PTPRT: variants seen among roughly 807,000 people sequenced by gnomAD.
PTPRT encodes protein tyrosine phosphatase receptor type T, also known as receptor-type tyrosine-protein phosphatase T.
Under a neutral mutation model 176.8 loss-of-function variants are expected in PTPRT, and 56 were observed. That is an observed-to-expected ratio of 0.32 (90% CI 0.26 to 0.40). The LOEUF is 0.40. Ranked by LOEUF, PTPRT falls within the 10% of genes least tolerant of loss-of-function variation. The pLI is 1.00. For missense variants in PTPRT, 1,540 were observed against 1,908.2 expected (o/e 0.81, Z 3.60); for synonymous variants, 783 against 739.0 (o/e 1.06, Z -0.96).
intron 2 of PTPRT, among the ~76,000 whole-genome samples, chr20:42,822,750 C>A (rs1050381233): frequency 6.6e-6 from 1 of 152,160 alleles, no homozygotes; most frequent in Non-Finnish European, 1.5e-5. Context: ...TGAACAGACA[C>A]TTCTCAAACG....
At chr20:42,396,812 C>A (rs1247383746) in intron 9 of PTPRT, among the ~76,000 whole-genome samples, 2 of 152,176 alleles carry the variant, frequency 1.3e-5, no homozygotes, top group East Asian at 1.9e-4. Flanking sequence ...CCCACCTTGG[C>A]CCCCCAAAGT....
chr20:43,041,546 C>G (rs991531272), intron 1 of PTPRT, among the ~76,000 whole-genome samples: 3 of 152,176 alleles, frequency 2.0e-5, no homozygotes, highest in African/African-American at 7.2e-5. Context: ...CCTATAAGAG[C>G]CTTGCCAGCC....
chr20:42,510,244 C>A (rs1387062724), intron 7 of PTPRT, among the ~76,000 whole-genome samples: 1 of 152,054 alleles, frequency 6.6e-6, no homozygotes, highest in African/African-American at 2.4e-5. Flanking sequence ...GAAAATGCCC[C>A]AGGAAGAATT....
At chr20:42,967,321 T>A (rs919577699) in intron 1 of PTPRT, among the ~76,000 whole-genome samples, 1 of 152,098 alleles carries the variant, frequency 6.6e-6, no homozygotes, top group African/African-American at 2.4e-5. Context: ...GGTATTGAGA[T>A]GAGATCATCC....
At chr20:42,089,287 T>G (rs954741457) in intron 27 of PTPRT, among the ~76,000 whole-genome samples, 2 of 152,012 alleles carry the variant, frequency 1.3e-5, no homozygotes, top group African/African-American at 4.8e-5. Context: ...TACAAATAAG[T>G]CTATGGTTGG....
At chr20:42,821,170 C>T (rs1274065220) in intron 2 of PTPRT, among the ~76,000 whole-genome samples, 1 of 152,210 alleles carries the variant, frequency 6.6e-6, no homozygotes, top group African/African-American at 2.4e-5. Flanking sequence ...CAGTAAAATA[C>T]TGACAAACCA....
At chr20:43,077,450 T>C (rs1391821233) in intron 1 of PTPRT, among the ~76,000 whole-genome samples, 3 of 152,162 alleles carry the variant, frequency 2.0e-5, no homozygotes, top group Admixed American at 6.5e-5. Context: ...ACCTGGAGTA[T>C]AGCGGTGTGG....
At chr20:42,497,674 C>T (rs2071679368) in intron 7 of PTPRT, among the ~76,000 whole-genome samples, 1 of 152,084 alleles carries the variant, frequency 6.6e-6, no homozygotes, top group Admixed American at 6.6e-5. Context: ...AGATCCTTTA[C>T]CTTCCTTTTG....
chr20:42,838,282 T>C (rs984330528), intron 2 of PTPRT, among the ~76,000 whole-genome samples: 1 of 152,192 alleles, frequency 6.6e-6, no homozygotes, highest in Non-Finnish European at 1.5e-5. Flanking sequence ...CCTCCCAAAG[T>C]GTTGGGATTA....
chr20:42,605,851 A>G (rs2073867063), intron 7 of PTPRT, among the ~76,000 whole-genome samples: 2 of 152,144 alleles, frequency 1.3e-5, no homozygotes, highest in African/African-American at 2.4e-5. Flanking sequence ...GAATGTGTCA[A>G]CATGCAGGTT....
chr20:42,568,894 C>T (rs1261707112), intron 7 of PTPRT, among the ~76,000 whole-genome samples: 1 of 150,408 alleles, frequency 6.6e-6, no homozygotes, highest in Non-Finnish European at 1.5e-5. Flanking sequence ...TTAAAAAATA[C>T]AAAAACTCCC....
At chr20:43,186,192 G>C (rs1600782616) in intron 1 of PTPRT, among the ~76,000 whole-genome samples, 1 of 152,328 alleles carries the variant, frequency 6.6e-6, no homozygotes, top group African/African-American at 2.4e-5. Flanking sequence ...TTACAAATGA[G>C]AAGCTGGGGA....
At chr20:42,888,973 A>C (rs1445179320) in intron 1 of PTPRT, among the ~76,000 whole-genome samples, 2 of 152,216 alleles carry the variant, frequency 1.3e-5, no homozygotes, top group Non-Finnish European at 1.5e-5. Flanking sequence ...CTTCTTCTAG[A>C]TAAGATTTAA....
At chr20:42,296,595 T>C (rs1380989618) in intron 12 of PTPRT, among the ~76,000 whole-genome samples, 1 of 152,084 alleles carries the variant, frequency 6.6e-6, no homozygotes, top group Non-Finnish European at 1.5e-5. Context: ...TATAGTAAAT[T>C]ATGACATAAA....
chr20:42,510,777 G>A (rs1282670269), intron 7 of PTPRT, among the ~76,000 whole-genome samples: 1 of 152,028 alleles, frequency 6.6e-6, no homozygotes, highest in East Asian at 1.9e-4. Flanking sequence ...ATAAATTAGG[G>A]GAAAGCCACA....
intron 6 of PTPRT, among the ~76,000 whole-genome samples, chr20:42,684,472 T>C (rs1425759397): frequency 1.3e-5 from 2 of 152,114 alleles, no homozygotes; most frequent in African/African-American, 4.8e-5. Flanking sequence ...AGGTTGAGGG[T>C]GGCAACAAAG....
rs1212890682 is a variant in PTPRT, at chr20:42,166,935, AG to A, written c.2492-5394del. On this transcript the variant is annotated intron_variant, in intron 16 of 30. Transcript: ENST00000373187. ...AGACTCCATCTTAGAAAAAAAAAAA[AG>A]GGGGGTCTGTTCATGTTGCATGAGG... 2.1e-3 allele frequency among the ~76,000 whole-genome samples: 310 copies of A among 148,516 alleles called. 3 individuals are homozygous for A. The highest frequency in any genetic ancestry group is 6.9e-3 in the African/African-American group (267 of 38,614).
chr20:42,564,251 C>T (rs1455305171), intron 7 of PTPRT, among the ~76,000 whole-genome samples: 2 of 152,202 alleles, frequency 1.3e-5, no homozygotes, highest in Non-Finnish European at 2.9e-5. Context: ...TATTTGGGAT[C>T]AACTTTGCTT....
At chr20:42,041,974 C>T in the PTPRT span, among the ~76,000 whole-genome samples, 2 of 152,146 alleles carry the variant, frequency 1.3e-5, no homozygotes, top group African/African-American at 4.8e-5. Context: ...GGGGAGCTTC[C>T]TGATGCTGTC....
Sources: allele counts gnomAD v4.1 joint callset (sites outside exome capture counted in the v4.1 genomes callset), GRCh38; gene constraint gnomAD v4.1.1; transcripts MANE v1.5; gene names NCBI Gene and HGNC (gene_info 2026-07-23, HGNC 2026-07-21).